Variants in BRWD1 observed in about 807,000 individuals in gnomAD.
The protein encoded by BRWD1 is bromodomain and WD repeat domain containing 1.
A neutral mutation model predicts 251.2 loss-of-function variants in BRWD1; 82 were observed. That is an observed-to-expected ratio of 0.33 (90% CI 0.27 to 0.39). The LOEUF (loss-of-function observed/expected upper bound fraction) is 0.39. BRWD1 is among the 10% of genes least tolerant of loss of function. The pLI is 1.00. For synonymous variants in BRWD1, 918 were observed against 902.8 expected (o/e 1.02, Z -0.30); for missense variants, 2,233 against 2,711.6 (o/e 0.82, Z 3.92).
In BRWD1 at chr21:39,188,614, G is replaced by C. The variant is rs577151921; in HGVS notation, c.*7645C>G. ...AGTACAGGTAAAAACTGCTTCTGTG[G>C]ACTGACATGTTCATACAGCTAGACT... On this transcript the variant is annotated 3_prime_UTR_variant, in exon 41 of 41. Coordinates refer to ENST00000342449, the MANE Select transcript of BRWD1 (RefSeq NM_033656.4). 7 of 985,358 alleles carry C rather than the reference G, an allele frequency of 7.1e-6. No individual in the cohort carries two copies. The highest frequency in any genetic ancestry group is 5.2e-4 in the Middle Eastern group (1 of 1,912). 61.0% of individuals were successfully genotyped at this position (985,358 alleles called of 1,614,324 possible). A position where few individuals can be genotyped will look rare whatever the true frequency, so the allele number is the denominator to read the frequency against.
At chr21:39,202,860 A>G (rs542387762) in intron 37 of BRWD1, among the ~76,000 whole-genome samples, 2 of 152,362 alleles carry the variant, frequency 1.3e-5, no homozygotes, top group African/African-American at 4.8e-5. Context: ...TTTACGTAAT[A>G]TAGGTATTCA....
intron 37 of BRWD1, among the ~76,000 whole-genome samples, chr21:39,203,438 C>CTTTTTTTTTTTTTTTTTTTTTTT (rs71330353): frequency 5.9e-5 from 4 of 67,710 alleles, no homozygotes; most frequent in Admixed American, 2.0e-4. Context: ...GACCCTGGTT[C>CTTTTTTTTTTTTTTTTTTTTTTT]TTTTTTTTTT....
At position 39,312,846 on chromosome 21, in the gene BRWD1, C is replaced by T; in HGVS notation, c.193G>A (p.Glu65Lys). Residue 65 changes from glutamate to lysine, a missense_variant, in exon 4 of 41, where the codon GAG becomes AAG. Glu to Lys is a moderately conservative substitution (Grantham distance 56, BLOSUM62 1). Coordinates refer to ENST00000342449, the MANE Select transcript of BRWD1 (RefSeq NM_033656.4). The part of the protein sequence containing the change: ...EGNEHNRSYE[E>K]LVLSNKHVAP... ...CAAACGTGCCCAATGCTCACCAACT[C>T]CTCGTAGCTCCTGTTGTGCTCGTTG... 2.5e-6 allele frequency: 4 copies of T among 1,589,786 alleles called. No homozygotes were observed. Among genetic ancestry groups the T allele is most frequent in the Non-Finnish European group, 3.4e-6 (4 of 1,169,376 alleles).
intron 37 of BRWD1, 41 bp downstream of exon 37, chr21:39,206,067 T>TTAAA (rs773751498): frequency 2.6e-6 from 4 of 1,564,816 alleles, no homozygotes; most frequent in South Asian, 2.3e-5. Flanking sequence ...CTCTCCAAAA[T>TTAAA]TAAATAAATA....
chr21:39,247,007 G>A (rs2034214096), intron 21 of BRWD1, among the ~76,000 whole-genome samples: 1 of 152,098 alleles, frequency 6.6e-6, no homozygotes. Flanking sequence ...GAACCCGGGA[G>A]GCAGAGGTTG....
At position 39,236,654 on chromosome 21, in the gene BRWD1, T is replaced by G. The variant is rs1285214289; in HGVS notation, c.2707A>C (p.Asn903His). 1 of 1,613,728 alleles carries G rather than the reference T, an allele frequency of 6.2e-7. No homozygotes were observed. The highest frequency in any genetic ancestry group is 8.5e-7 in the Non-Finnish European group (1 of 1,179,734). ...SSSEDEISTE[N>H]LSPPKRRRKR... ...CGTCTTCTTTTTGGAGGAGATAAAT[T>G]CTCAGTAGATATTTCATCTTCTGAA... is the stretch of plus-strand genomic sequence containing the variant. The change falls in exon 23 of 41, where the codon AAT becomes CAT. Residue 903 changes from asparagine to histidine, a missense_variant. Transcript: ENST00000342449.
At chr21:39,261,906 AAT>A (rs1434410720) in intron 17 of BRWD1, among the ~76,000 whole-genome samples, 1 of 152,238 alleles carries the variant, frequency 6.6e-6, no homozygotes, top group Non-Finnish European at 1.5e-5. Flanking sequence ...TAGAGTACTT[AAT>A]ACTTAAATCC....
At chr21:39,249,794 C>CTT (rs2034327766) in intron 20 of BRWD1, among the ~76,000 whole-genome samples, 1 of 152,082 alleles carries the variant, frequency 6.6e-6, no homozygotes, top group African/African-American at 2.4e-5. Flanking sequence ...GTGGGCCAAA[C>CTT]TTTCACTAAG....
At chr21:39,302,501 A>C (rs781372486) in intron 4 of BRWD1, among the ~76,000 whole-genome samples, 3 of 152,160 alleles carry the variant, frequency 2.0e-5, no homozygotes, top group Non-Finnish European at 1.5e-5. Context: ...TCAGACTTGT[A>C]ATCTCAGCAC....
Position 39,188,594 on chromosome 21 carries a change from A to C in BRWD1, c.*7665T>G, listed in dbSNP as rs1367060407. 2 of 985,296 alleles carry C rather than the reference A, an allele frequency of 2.0e-6. No individual in the cohort carries two copies. The highest frequency in any genetic ancestry group is 2.4e-6 in the Non-Finnish European group (2 of 829,922). 61.0% of individuals were successfully genotyped at this position (985,296 alleles called of 1,614,324 possible). A position where few individuals can be genotyped will look rare whatever the true frequency, so the allele number is the denominator to read the frequency against. ...AGCTGACTGAAGGGCAGATGAGTAC[A>C]GGTAAAAACTGCTTCTGTGGACTGA... On this transcript the variant is annotated 3_prime_UTR_variant, in exon 41 of 41. Transcript: ENST00000342449.
At position 39,191,945 on chromosome 21, in the gene BRWD1, G is replaced by C. The variant is rs1232663534; in HGVS notation, c.*4314C>G. On this transcript the variant is annotated 3_prime_UTR_variant, in exon 41 of 41. Transcript: ENST00000342449. ...AAACTATTGGTCTTGCCATACTTGA[G>C]AAACAGATGTATAGTCTAATTATTT... is the stretch of plus-strand genomic sequence containing the variant. 1.0e-6 allele frequency: 1 copy of C among 984,896 alleles called. No homozygotes were observed. The highest frequency in any genetic ancestry group is 1.2e-6 in the Non-Finnish European group (1 of 829,626). The allele number at this position is 984,896 out of a possible 1,614,324, so 61.0% of individuals were successfully genotyped here.
chr21:39,273,445 C>CT (rs1282595003), intron 13 of BRWD1, among the ~76,000 whole-genome samples: 2 of 152,134 alleles, frequency 1.3e-5, no homozygotes, highest in African/African-American at 4.8e-5. Context: ...CAATACAATT[C>CT]TTTGAGCTAC....
intron 33 of BRWD1, 104 bp downstream of exon 33, chr21:39,213,377 T>A (rs1014452454): frequency 2.1e-6 from 2 of 930,424 alleles, no homozygotes. Flanking sequence ...TATTTGTTCA[T>A]TGGACTACTA....
intron 23 of BRWD1, among the ~76,000 whole-genome samples, chr21:39,233,505 T>C (rs1420932673): frequency 2.6e-5 from 4 of 151,926 alleles, no homozygotes; most frequent in Non-Finnish European, 5.9e-5. Flanking sequence ...AAGACAGACA[T>C]GTAAAATGAA....
At chr21:39,290,274 G>A (rs1009725746) in intron 8 of BRWD1, among the ~76,000 whole-genome samples, 2 of 151,880 alleles carry the variant, frequency 1.3e-5, no homozygotes, top group African/African-American at 4.8e-5. Flanking sequence ...TGGATCACGA[G>A]GTCAGGAGAT....
chr21:39,198,674 A>C (rs2031946741), intron 40 of BRWD1, 89 bp downstream of exon 40: 1 of 1,207,134 alleles, frequency 8.3e-7, no homozygotes, highest in African/African-American at 1.5e-5. Context: ...GTTTCAAGGG[A>C]AACTTTTTCG....
Position 39,194,472 on chromosome 21 carries a change from T to C in BRWD1, c.*1787A>G. On this transcript the variant is annotated 3_prime_UTR_variant, in exon 41 of 41. Coordinates refer to ENST00000342449, the MANE Select transcript of BRWD1 (RefSeq NM_033656.4). The stretch of plus-strand genomic sequence containing the variant: ...ATCATGAATCAATCTGTTTACTATC[T>C]ACTTAACACAAGTTCTGAGAAGAAA... 1 of 1,390,148 alleles carries C rather than the reference T, an allele frequency of 7.2e-7. No individual in the cohort carries two copies. Among genetic ancestry groups the C allele is most frequent in the South Asian group, 1.6e-5 (1 of 60,942 alleles). 86.1% of individuals were successfully genotyped at this position (1,390,148 alleles called of 1,614,324 possible).
intron 17 of BRWD1, among the ~76,000 whole-genome samples, chr21:39,263,541 AAACTT>A (rs2034823174): frequency 6.6e-6 from 1 of 152,192 alleles, no homozygotes; most frequent in Non-Finnish European, 1.5e-5. Context: ...GCCCATACTA[AAACTT>A]AATAAGCCTC....
chr21:39,309,775 A>C (rs1158223418), intron 4 of BRWD1, among the ~76,000 whole-genome samples: 2 of 146,632 alleles, frequency 1.4e-5, no homozygotes, highest in Non-Finnish European at 3.0e-5. Context: ...CAGTGAGCCG[A>C]GATCGCACCG....
Sources: allele counts gnomAD v4.1 joint callset (sites outside exome capture counted in the v4.1 genomes callset), GRCh38; gene constraint gnomAD v4.1.1; transcripts MANE v1.5; gene names NCBI Gene and HGNC (gene_info 2026-07-23, HGNC 2026-07-21).